Variants in ARID1B observed in about 807,000 individuals in gnomAD.
The protein encoded by ARID1B is AT-rich interaction domain 1B.
In ARID1B, 30 loss-of-function variants were observed where a neutral mutation model predicts 212.3. That is an observed-to-expected ratio of 0.14 (90% CI 0.11 to 0.19). ARID1B has a LOEUF of 0.19. ARID1B is among the 10% of genes least tolerant of loss of function. The pLI, the probability that ARID1B is intolerant of heterozygous loss-of-function variation, is 1.00. For synonymous variants in ARID1B, 1,402 were observed against 1,301.7 expected, an observed-to-expected ratio of 1.08 and a Z score of -1.66; for missense variants, 2,891 against 3,204.0, an observed-to-expected ratio of 0.90 and a Z score of 2.36.
chr6:157,199,434 G>A (rs189230633), intron 17 of ARID1B, among the ~76,000 whole-genome samples: 9 of 151,934 alleles, frequency 5.9e-5, no homozygotes, highest in East Asian at 3.9e-4. Context: ...GCTAAGTTAC[G>A]CAGGATCTCC....
intron 4 of ARID1B, 132 bp downstream of exon 4, chr6:156,935,708 T>A (rs1452757109): frequency 2.5e-6 from 2 of 800,118 alleles, no homozygotes; most frequent in Non-Finnish European, 3.9e-6. Context: ...TATTTTGTGG[T>A]CAATTTTTCA....
In ARID1B at chr6:157,154,577, T is replaced by TTG. The variant is rs1184790327; in HGVS notation, c.3089+5627_3089+5628insGT. Reference sequence around the variant, plus strand: ...GTTGTTCTGCTCTTCTGTTTTTTTTTTTGTTTTTTTTTTTTTTTTTTGAGT... The same window carrying TTG: ...GTTGTTCTGCTCTTCTGTTTTTTTTTTGTTGTTTTTTTTTTTTTTTTTTGAGT... On this transcript the variant is annotated intron_variant, in intron 8 of 19. Coordinates refer to ENST00000636930, the MANE Select transcript of ARID1B (RefSeq NM_001374828.1). 5.2e-4 allele frequency among the ~76,000 whole-genome samples: 75 copies of TTG among 144,918 alleles called. 1 individual carries two copies. Among genetic ancestry groups the TTG allele is most frequent in the African/African-American group, 1.8e-3 (69 of 38,474 alleles).
chr6:157,207,071 A>T lies in ARID1B; in HGVS notation c.6299A>T (p.Lys2100Met). The T allele has an allele frequency of 1.2e-6, 2 of 1,614,190 alleles. No individual in the cohort carries two copies. Among genetic ancestry groups the T allele is most frequent in the Non-Finnish European group, 1.7e-6 (2 of 1,180,030 alleles). Residue 2100 changes from lysine (K) to methionine (M), a missense_variant, in exon 20 of 20, where the codon AAG (lysine) becomes ATG (methionine). Lys to Met is a moderately conservative substitution (Grantham distance 95, BLOSUM62 -1). Around this residue, in one of 7 missense-constraint regions of ARID1B, gnomAD observed 19 missense variants for 52.9 expected, o/e 0.36. Transcript: ENST00000636930. The surrounding 1 kb of genome is among the most constrained non-coding windows in gnomAD (Gnocchi z 8.5). The stretch of plus-strand genomic sequence containing the variant: ...CCAGGCCTGGTGCTGATCCTGGGGA[A>T]GCTGATTCTTCTTCACCACGAGCAT... ...KHPGLVLILG[K>M]LILLHHEHPE...
intron 11 of ARID1B, among the ~76,000 whole-genome samples, chr6:157,177,576 G>C (rs1463726072): frequency 6.6e-6 from 1 of 152,126 alleles, no homozygotes; most frequent in Non-Finnish European, 1.5e-5. Flanking sequence ...ATAAACATTT[G>C]TCCATACACA....
At chr6:157,157,233 G>A (rs1790636939) in intron 8 of ARID1B, among the ~76,000 whole-genome samples, 1 of 152,120 alleles carries the variant, frequency 6.6e-6, no homozygotes, top group South Asian at 2.1e-4. Context: ...CAGCTTCATG[G>A]CTCTGTTAAC....
At chr6:157,172,542 A>C (rs1791787867) in intron 9 of ARID1B, among the ~76,000 whole-genome samples, 1 of 152,180 alleles carries the variant, frequency 6.6e-6, no homozygotes, top group Admixed American at 6.5e-5. Flanking sequence ...ACGGGATTTC[A>C]AAGTGTATTG....
At chr6:156,857,944 A>T (rs1243274747) in intron 2 of ARID1B, among the ~76,000 whole-genome samples, 2 of 152,244 alleles carry the variant, frequency 1.3e-5, no homozygotes, top group Non-Finnish European at 2.9e-5. Flanking sequence ...ACATATTGAA[A>T]CATAGAAAAG....
At chr6:157,157,198 T>G (rs778057297) in intron 8 of ARID1B, among the ~76,000 whole-genome samples, 6 of 152,156 alleles carry the variant, frequency 3.9e-5, no homozygotes, top group Non-Finnish European at 8.8e-5. Context: ...CGCGCACCAC[T>G]GTCTATGCCA....
In ARID1B at chr6:156,779,307, GC is replaced by G; in HGVS notation, c.1628del (p.Ala543GlyfsTer42). ...PSQPQSQAAA[A>X]GAAAGGQQAA... ...GCAGCCCCAGTCCCAGGCGGCGGCG[GC>G]GGGGGCGGCGGCGGGCGGCCAGCAG... On this transcript the variant is annotated frameshift_variant, in exon 1 of 20. Coordinates refer to ENST00000636930, the MANE Select transcript of ARID1B (RefSeq NM_001374828.1). LOFTEE classifies it high-confidence loss of function. 8.8e-7 allele frequency: 1 copy of G among 1,139,588 alleles called. No homozygotes were observed. Among genetic ancestry groups the G allele is most frequent in the Non-Finnish European group, 1.1e-6 (1 of 930,556 alleles). 70.6% of individuals were successfully genotyped at this position (1,139,588 alleles called of 1,614,324 possible).
At chr6:156,777,187 C>G (rs962638653), upstream of ARID1B, 1 of 151,176 alleles carries the variant, frequency 6.6e-6, no homozygotes, top group Non-Finnish European at 1.5e-5. Context: ...CCGCCGCGCT[C>G]CGAGCGGCCG....
chr6:156,904,233 C>A (rs1789179052), intron 3 of ARID1B, among the ~76,000 whole-genome samples: 1 of 152,056 alleles, frequency 6.6e-6, no homozygotes, highest in Admixed American at 6.6e-5. Flanking sequence ...ATACTACATG[C>A]CTTCTTCCAT....
chr6:157,069,552 C>G (rs1783885090), intron 4 of ARID1B, among the ~76,000 whole-genome samples: 1 of 152,176 alleles, frequency 6.6e-6, no homozygotes, highest in African/African-American at 2.4e-5. Flanking sequence ...AAAGTGAGGC[C>G]TCTCTCAGTT....
chr6:156,992,012 A>G (rs1019759735), intron 4 of ARID1B, among the ~76,000 whole-genome samples: 7 of 152,074 alleles, frequency 4.6e-5, no homozygotes, highest in Non-Finnish European at 8.8e-5. Context: ...CTTGTCATGA[A>G]CTCTTGTTAT....
At chr6:157,050,809 T>C (rs561713300) in intron 4 of ARID1B, among the ~76,000 whole-genome samples, 5 of 152,368 alleles carry the variant, frequency 3.3e-5, no homozygotes, top group Admixed American at 6.5e-5. Context: ...TATGTAATAG[T>C]ATGTGCAAAC....
intron 2 of ARID1B, among the ~76,000 whole-genome samples, chr6:156,885,330 G>A (rs1005908713): frequency 6.6e-6 from 1 of 152,166 alleles, no homozygotes; most frequent in African/African-American, 2.4e-5. Context: ...TGAAGTATTG[G>A]TTTGAGGTGG....
At chr6:157,144,173 TTCA>T (rs1360786980) in intron 7 of ARID1B, among the ~76,000 whole-genome samples, 5 of 152,204 alleles carry the variant, frequency 3.3e-5, no homozygotes, top group Non-Finnish European at 7.3e-5. Context: ...TTCCTTTGTG[TTCA>T]TTAAGATACA....
intron 2 of ARID1B, among the ~76,000 whole-genome samples, chr6:156,830,582 ATTG>A (rs1323712656): frequency 1.3e-5 from 2 of 152,162 alleles, no homozygotes; most frequent in African/African-American, 2.4e-5. Context: ...TTTCATTATT[ATTG>A]TTATTAATTT....
At chr6:157,122,468 T>C (rs1016842079) in intron 6 of ARID1B, among the ~76,000 whole-genome samples, 3 of 152,224 alleles carry the variant, frequency 2.0e-5, no homozygotes, top group Admixed American at 6.5e-5. Context: ...CAAACAATTA[T>C]CAAATTGTAT....
intron 7 of ARID1B, among the ~76,000 whole-genome samples, chr6:157,145,642 C>T (rs1789673576): frequency 6.6e-6 from 1 of 152,150 alleles, no homozygotes; most frequent in Non-Finnish European, 1.5e-5. Flanking sequence ...CGGTTTTGAC[C>T]ATTAGGGTAA....
Sources: allele counts gnomAD v4.1 joint callset (sites outside exome capture counted in the v4.1 genomes callset), GRCh38; gene constraint gnomAD v4.1.1; regional missense constraint gnomAD v4.1.1; non-coding constraint Gnocchi (gnomAD v3.1); transcripts MANE v1.5; gene names NCBI Gene and HGNC (gene_info 2026-07-23, HGNC 2026-07-21).